The following SPOCK1 variants were observed in gnomAD, a reference collection of about 807,000 sequenced individuals.
SPOCK1 encodes the protein SPARC (osteonectin), cwcv and kazal like domains proteoglycan 1, also known as testican-1.
A neutral mutation model predicts 55.3 loss-of-function variants in SPOCK1; 23 were observed. That is an observed-to-expected ratio of 0.42 (90% CI 0.30 to 0.59). The LOEUF (loss-of-function observed/expected upper bound fraction) is 0.59, where lower values mean the gene tolerates loss of function less well. Among genes scored for constraint, SPOCK1 ranks in the 20% least tolerant of loss-of-function variants. SPOCK1 has a pLI of 0.22. For synonymous variants in SPOCK1, 226 were observed against 221.0 expected (o/e 1.02, Z -0.20); for missense variants, 499 against 552.5 (o/e 0.90, Z 0.97).
intron 2 of SPOCK1, among the ~76,000 whole-genome samples, chr5:137,481,314 G>A (rs1753946892): frequency 6.6e-6 from 1 of 152,144 alleles, no homozygotes; most frequent in Non-Finnish European, 1.5e-5. Flanking sequence ...TCCAAGTATA[G>A]CCTTAGCTCC....
rs898809802 is a variant in SPOCK1 at position 137,156,283 on chromosome 5, C to T, written c.233-15589G>A. The stretch of plus-strand genomic sequence containing the variant: ...CCCTGTGAAGCTGGCCTCTGCTGTC[C>T]TGGCTTCCAAGGGTCATGAATAAAA... On this transcript the variant is annotated intron_variant, in intron 3 of 10. Transcript: ENST00000394945. 2.6e-5 allele frequency among the ~76,000 whole-genome samples: 4 copies of T among 152,150 alleles called. No homozygotes were observed. In the East Asian group the frequency reaches 7.7e-4, roughly 29 times the overall value.
intron 3 of SPOCK1, among the ~76,000 whole-genome samples, chr5:137,204,801 C>T (rs1032640368): frequency 6.6e-6 from 1 of 152,152 alleles, no homozygotes. Flanking sequence ...CTCCACTGAC[C>T]CCTGCAATCT....
chr5:137,165,580 A>C (rs1479342322), intron 3 of SPOCK1, among the ~76,000 whole-genome samples: 1 of 152,224 alleles, frequency 6.6e-6, no homozygotes, highest in Non-Finnish European at 1.5e-5. Flanking sequence ...ATAAGGCACC[A>C]GGGACCAATC....
At chr5:137,272,295 TG>T (rs1015897038) in intron 2 of SPOCK1, among the ~76,000 whole-genome samples, 1 of 152,158 alleles carries the variant, frequency 6.6e-6, no homozygotes, top group African/African-American at 2.4e-5. Context: ...ATCTGGTTGG[TG>T]GGTGGGAGAA....
At chr5:137,421,303 T>G (rs1752486536) in intron 2 of SPOCK1, among the ~76,000 whole-genome samples, 1 of 152,240 alleles carries the variant, frequency 6.6e-6, no homozygotes, top group Non-Finnish European at 1.5e-5. Context: ...TCTGTAGATG[T>G]CTATTAGGTC....
intron 3 of SPOCK1, among the ~76,000 whole-genome samples, chr5:137,192,262 GA>G (rs1380512132): frequency 5.3e-5 from 8 of 149,544 alleles, no homozygotes; most frequent in Non-Finnish European, 1.2e-4. Context: ...AAAAGAAAAG[GA>G]AAACAAGCTC....
At chr5:137,201,494 C>T (rs183844915) in intron 3 of SPOCK1, among the ~76,000 whole-genome samples, 8 of 152,236 alleles carry the variant, frequency 5.3e-5, no homozygotes, top group Non-Finnish European at 1.0e-4. Flanking sequence ...ACAAAGCCAC[C>T]GTAACATTTC....
intron 4 of SPOCK1, among the ~76,000 whole-genome samples, chr5:137,123,105 T>G (rs1753718534): frequency 6.6e-6 from 1 of 152,088 alleles, no homozygotes; most frequent in African/African-American, 2.4e-5. Flanking sequence ...TAGTGGTGGG[T>G]CATTCACAAA....
At chr5:137,297,869 G>A (rs1368447187) in intron 2 of SPOCK1, among the ~76,000 whole-genome samples, 1 of 152,112 alleles carries the variant, frequency 6.6e-6, no homozygotes, top group Non-Finnish European at 1.5e-5. Flanking sequence ...AGTACAAATC[G>A]GGTAGGAATG....
At chr5:137,429,906 A>G (rs1420949902) in intron 2 of SPOCK1, among the ~76,000 whole-genome samples, 1 of 152,184 alleles carries the variant, frequency 6.6e-6, no homozygotes, top group Non-Finnish European at 1.5e-5. Flanking sequence ...TGTGTACACT[A>G]TGATTGGTGT....
At chr5:136,979,308 G>T (rs747366698) in intron 10 of SPOCK1, 24 bp downstream of exon 10, 2 of 1,613,500 alleles carry the variant, frequency 1.2e-6, no homozygotes, top group South Asian at 1.1e-5. Flanking sequence ...TCATTGTGGG[G>T]CTCATGCAGG....
rs1751476364 is a variant in SPOCK1 at position 137,017,792 on chromosome 5, G to A, written c.590-25192C>T. On this transcript the variant is annotated intron_variant, in intron 6 of 10. Coordinates refer to ENST00000394945, the MANE Select transcript of SPOCK1 (RefSeq NM_004598.4). ...AAAGAGGGGGTCTGTATATATCAAAGCCATAAAGGAAAAATTTTAAAAAAT... is the reference window on the plus strand; with the variant it reads ...AAAGAGGGGGTCTGTATATATCAAAACCATAAAGGAAAAATTTTAAAAAAT... 2.0e-5 allele frequency among the ~76,000 whole-genome samples: 3 copies of A among 152,138 alleles called. 1 individual carries two copies. The South Asian group carries it at 6.2e-4, about 31-fold the overall frequency.
intron 5 of SPOCK1, among the ~76,000 whole-genome samples, chr5:137,071,358 C>T (rs1210986691): frequency 1.3e-5 from 2 of 152,144 alleles, no homozygotes; most frequent in Non-Finnish European, 2.9e-5. Flanking sequence ...GTGGTAAAAG[C>T]TCCTTTAAAA....
intron 2 of SPOCK1, among the ~76,000 whole-genome samples, chr5:137,363,186 T>C (rs1376433187): frequency 6.6e-6 from 1 of 152,184 alleles, no homozygotes; most frequent in East Asian, 1.9e-4. Context: ...GCATCTGCCC[T>C]GTAAGTACCT....
intron 2 of SPOCK1, among the ~76,000 whole-genome samples, chr5:137,306,708 T>C (rs2127140067): frequency 1.0e-5 from 1 of 100,308 alleles, no homozygotes; most frequent in East Asian, 2.3e-4. Context: ...AAATCTGTTT[T>C]CTTTTTTTTT....
intron 2 of SPOCK1, among the ~76,000 whole-genome samples, chr5:137,497,670 A>T (rs1194496001): frequency 6.6e-6 from 1 of 152,106 alleles, no homozygotes; most frequent in Non-Finnish European, 1.5e-5. Flanking sequence ...CGTGTCCGGG[A>T]GTAACTTTCT....
Position 137,140,679 on chromosome 5 carries a change from T to C in SPOCK1, c.248A>G (p.Lys83Arg), listed in dbSNP as rs770647987. 2 of 1,613,606 alleles carry C rather than the reference T, an allele frequency of 1.2e-6. No individual in the cohort carries two copies. Among genetic ancestry groups the C allele is most frequent in the South Asian group, 2.2e-5 (2 of 90,978 alleles). The change falls in exon 4 of 11, where the codon AAG becomes AGG. Residue 83 changes from lysine to arginine, a missense_variant. Physicochemically the swap from Lys to Arg is conservative, Grantham distance 26. Coordinates refer to ENST00000394945, the MANE Select transcript of SPOCK1 (RefSeq NM_004598.4). The part of the protein sequence containing the change: ...KPFDQALDPS[K>R]DPCLKVKCSP... ...GCATTTTACCTTCAGGCAGGGGTCCTTGGATGGGTCCAGGGCTGAGGCAAA... is the reference window on the plus strand; with the variant it reads ...GCATTTTACCTTCAGGCAGGGGTCCCTGGATGGGTCCAGGGCTGAGGCAAA...
intron 6 of SPOCK1, among the ~76,000 whole-genome samples, chr5:136,993,893 G>A (rs552926787): frequency 4.7e-4 from 72 of 152,254 alleles, no homozygotes; most frequent in African/African-American, 1.3e-3. Context: ...AGCCCCCATC[G>A]GCCTGCCTTG....
chr5:137,016,075 T>A (rs1430412215), intron 6 of SPOCK1, among the ~76,000 whole-genome samples: 1 of 152,062 alleles, frequency 6.6e-6, no homozygotes, highest in African/African-American at 2.4e-5. Flanking sequence ...GGAGAAGGCC[T>A]AGGGGAGATA....
Sources: allele counts gnomAD v4.1 joint callset (sites outside exome capture counted in the v4.1 genomes callset), GRCh38; gene constraint gnomAD v4.1.1; transcripts MANE v1.5; gene names NCBI Gene and HGNC (gene_info 2026-07-23, HGNC 2026-07-21).